The following CSTF3 variants were observed in gnomAD, a reference collection of about 807,000 sequenced individuals.
The protein encoded by CSTF3 is CF-1 77 kDa subunit.
In CSTF3, 29 loss-of-function variants were observed where a neutral mutation model predicts 105.8. That is an observed-to-expected ratio of 0.27 (90% confidence interval 0.20 to 0.37). The LOEUF (loss-of-function observed/expected upper bound fraction) is 0.37. CSTF3 is among the 10% of genes least tolerant of loss of function. The pLI, the probability that CSTF3 is intolerant of heterozygous loss-of-function variation, is 1.00. For missense variants in CSTF3, 357 were observed against 879.3 expected (o/e 0.41, Z 7.51); for synonymous variants, 252 against 281.9 (o/e 0.89, Z 1.06).
At chr11:33,124,074 C>G (rs1252653408) in intron 3 of CSTF3, among the ~76,000 whole-genome samples, 2 of 151,994 alleles carry the variant, frequency 1.3e-5, no homozygotes, top group Admixed American at 6.6e-5. Context: ...AAATAAAACA[C>G]AATATGCATT....
At chr11:33,146,576 C>T (rs1314622393) in intron 1 of CSTF3, among the ~76,000 whole-genome samples, 7 of 139,768 alleles carry the variant, frequency 5.0e-5, no homozygotes, top group African/African-American at 1.8e-4. Context: ...TAAATAAATA[C>T]ATATAAAAAA....
At chr11:33,146,287 T>C (rs900033077) in intron 1 of CSTF3, among the ~76,000 whole-genome samples, 3 of 152,010 alleles carry the variant, frequency 2.0e-5, no homozygotes, top group African/African-American at 7.2e-5. Context: ...AATATAAATG[T>C]CCGATTCTGA....
intron 3 of CSTF3, among the ~76,000 whole-genome samples, chr11:33,140,243 T>C (rs1357882576): frequency 6.6e-6 from 1 of 152,086 alleles, no homozygotes; most frequent in East Asian, 1.9e-4. Context: ...GGCTTCAGCA[T>C]ATTTCAGACA....
chr11:33,096,820 T>C lies in CSTF3; in HGVS notation c.1272+15A>G. On this transcript the variant is annotated intron_variant, in intron 14 of 20. Coordinates refer to ENST00000323959, the MANE Select transcript of CSTF3 (RefSeq NM_001326.3). ...GGAAGTTGTTTTATCTTTACACTTG[T>C]ATTTCAGTATTTACCTTACTACAGT... 6.3e-7 allele frequency: 1 copy of C among 1,595,316 alleles called. No individual in the cohort carries two copies. Among genetic ancestry groups the C allele is most frequent in the Non-Finnish European group, 8.5e-7 (1 of 1,174,106 alleles).
At chr11:33,159,302 A>G (rs1367368148) in intron 1 of CSTF3, among the ~76,000 whole-genome samples, 1 of 152,004 alleles carries the variant, frequency 6.6e-6, no homozygotes, top group Non-Finnish European at 1.5e-5. Flanking sequence ...TACAAAAAAA[A>G]TACAAAAATT....
At chr11:33,096,433 A>T in intron 14 of CSTF3, 25 bp from the exon 15 acceptor site, 1 of 1,420,262 alleles carries the variant, frequency 7.0e-7, no homozygotes, top group Non-Finnish European at 9.7e-7. Flanking sequence ...AGTAAAGTAC[A>T]GATTTCCATG....
At chr11:33,107,563 G>C (rs1299151929) in intron 5 of CSTF3, among the ~76,000 whole-genome samples, 1 of 152,198 alleles carries the variant, frequency 6.6e-6, no homozygotes. Context: ...GATCACTTAA[G>C]TAGCACATTG....
In CSTF3 at chr11:33,085,259, C is replaced by A; in HGVS notation, c.1982G>T (p.Gly661Val). The change falls in exon 21 of 21, where the codon GGT (glycine) becomes GTT (valine). Residue 661 changes from glycine to valine, a missense_variant. This residue lies in a region of CSTF3 where 73 missense variants were observed against 105.8 expected (regional missense o/e 0.69). Coordinates refer to ENST00000323959, the MANE Select transcript of CSTF3 (RefSeq NM_001326.3). ...TVEEAVRIIT[G>V]GAPELAVEGN... ...TTCTACAGCTAGCTCTGGGGCCCCA[C>A]CAGTAATGATCCTCACAGCTTCCTC... 6.4e-7 allele frequency: 1 copy of A among 1,565,530 alleles called. No individual in the cohort carries two copies. The highest frequency in any genetic ancestry group is 8.6e-7 in the Non-Finnish European group (1 of 1,159,346).
intron 1 of CSTF3, 40 bp from the exon 2 acceptor site, chr11:33,142,026 T>G: frequency 6.2e-7 from 1 of 1,612,468 alleles, no homozygotes. Flanking sequence ...GTTACTGTTT[T>G]AAAAATCTCA....
intron 3 of CSTF3, among the ~76,000 whole-genome samples, chr11:33,131,517 T>C (rs1411762150): frequency 6.6e-6 from 1 of 152,104 alleles, no homozygotes; most frequent in African/African-American, 2.4e-5. Context: ...GAAGCCCACA[T>C]GGAGGAAAAA....
At position 33,094,298 on chromosome 11, in the gene CSTF3, T is replaced by C. The variant is rs151093211; in HGVS notation, c.1376-1958A>G. Among the ~76,000 whole-genome samples, 12 of 152,326 alleles carry C rather than the reference T, an allele frequency of 7.9e-5. No individual in the cohort carries two copies. The East Asian group carries it at 2.1e-3, about 27-fold the overall frequency. On this transcript the variant is annotated intron_variant, in intron 15 of 20. Transcript: ENST00000323959. ...ATGACCATTATGCAGATGAGAAAACTGAAGTTTAAGATTATACACCTAACC... is the reference window on the plus strand; with the variant it reads ...ATGACCATTATGCAGATGAGAAAACCGAAGTTTAAGATTATACACCTAACC...
intron 3 of CSTF3, among the ~76,000 whole-genome samples, chr11:33,123,192 A>C (rs914170439): frequency 6.6e-6 from 1 of 151,952 alleles, no homozygotes; most frequent in East Asian, 1.9e-4. Context: ...AGATGAAAAA[A>C]AAAAACAAAA....
chr11:33,122,712 C>T (rs1023836301), intron 3 of CSTF3, among the ~76,000 whole-genome samples: 5 of 151,604 alleles, frequency 3.3e-5, no homozygotes, highest in African/African-American at 9.7e-5. Flanking sequence ...TCCTGGAGTT[C>T]AAGACCAGCC....
chr11:33,099,479 C>G lies in CSTF3; in HGVS notation c.936+129G>C, dbSNP rs188000615. The G allele has an allele frequency of 1.9e-5, 13 of 694,414 alleles. No homozygotes were observed. The highest frequency in any genetic ancestry group is 3.4e-5 in the Admixed American group (1 of 29,460). The allele number at this position is 694,414 out of a possible 1,614,324, so 43.0% of individuals were successfully genotyped here. ...TAATTATATGAGTGTCACTAAGATTCATATGAACGTAAACTTAAATTTTCA... is the reference window on the plus strand; with the variant it reads ...TAATTATATGAGTGTCACTAAGATTGATATGAACGTAAACTTAAATTTTCA... On this transcript the variant is annotated intron_variant, in intron 11 of 20. Transcript: ENST00000323959. This position sits in a 1 kb window ranked among gnomAD's most constrained non-coding sequence, Gnocchi z 4.1.
chr11:33,095,464 A>T (rs1434326098), intron 15 of CSTF3, among the ~76,000 whole-genome samples: 1 of 152,228 alleles, frequency 6.6e-6, no homozygotes. Context: ...TATCTAGCAC[A>T]GTGCCTGGTA....
At chr11:33,142,111 TAA>T (rs1467225595) in intron 1 of CSTF3, 125 bp from the exon 2 acceptor site, 1 of 1,466,590 alleles carries the variant, frequency 6.8e-7, no homozygotes, top group African/African-American at 1.4e-5. Context: ...TATCCTCTTA[TAA>T]AAGAGAAGTG....
chr11:33,156,740 G>A (rs1225647207), intron 1 of CSTF3: 1 of 454,120 alleles, frequency 2.2e-6, no homozygotes, highest in East Asian at 7.0e-5. Context: ...GCTGAGGCAG[G>A]AGGATCACTT....
At chr11:33,155,198 T>A (rs773676614) in intron 1 of CSTF3, among the ~76,000 whole-genome samples, 2 of 151,608 alleles carry the variant, frequency 1.3e-5, no homozygotes. Context: ...CTATTAAAAA[T>A]ATAAAAAATT....
At chr11:33,107,867 G>T in intron 5 of CSTF3, 36 bp downstream of exon 5, 2 of 1,241,420 alleles carry the variant, frequency 1.6e-6, no homozygotes, top group Non-Finnish European at 2.4e-6. Flanking sequence ...TGTGCCTGGA[G>T]ATGACTTGCA....
Sources: gnomAD v4.1 joint callset for allele counts (sites outside exome capture counted in the v4.1 genomes callset) on GRCh38, gnomAD v4.1.1 for gene constraint, gnomAD v4.1.1 regional missense constraint, Gnocchi (gnomAD v3.1) non-coding constraint, MANE v1.5 for transcripts, NCBI Gene and HGNC (gene_info 2026-07-23, HGNC 2026-07-21) for gene names.